The following AUTS2 variants were observed in gnomAD, a reference collection of about 807,000 sequenced individuals.
AUTS2 encodes activator of transcription and developmental regulator AUTS2.
Under a neutral mutation model 112.4 loss-of-function variants are expected in AUTS2, and 17 were observed. The ratio of observed to expected loss-of-function variants is 0.15; its 90% CI spans 0.10 to 0.23. The LOEUF (loss-of-function observed/expected upper bound fraction) is 0.23. Among genes scored for constraint, AUTS2 ranks in the 10% least tolerant of loss-of-function variants. The probability of loss-of-function intolerance (pLI) is 1.00; values close to 1 mark genes in which losing one functional copy is unlikely to be tolerated. For synonymous variants in AUTS2, 751 were observed against 702.7 expected (o/e 1.07, Z -1.09); for missense variants, 1,510 against 1,701.6 (o/e 0.89, Z 1.98).
At chr7:70,629,028 G>A (rs1236832235) in intron 5 of AUTS2, among the ~76,000 whole-genome samples, 1 of 152,186 alleles carries the variant, frequency 6.6e-6, no homozygotes, top group Non-Finnish European at 1.5e-5. Context: ...TCTGGTGGCA[G>A]GTTCATATCC....
intron 1 of AUTS2, among the ~76,000 whole-genome samples, chr7:69,615,452 A>G (rs2851509): frequency 0.75 from 113,461 of 151,862 alleles, 42,536 homozygotes; most frequent in African/African-American, 0.82. Flanking sequence ...ACAGGTGCCC[A>G]CCACCACACC....
intron 5 of AUTS2, among the ~76,000 whole-genome samples, chr7:70,686,991 T>C (rs1431140852): frequency 6.6e-6 from 1 of 152,212 alleles, no homozygotes; most frequent in Non-Finnish European, 1.5e-5. Flanking sequence ...TCTACGCCGA[T>C]CCGTCCTTTC....
intron 5 of AUTS2, among the ~76,000 whole-genome samples, chr7:70,595,376 C>T (rs1803145627): frequency 6.6e-6 from 1 of 152,100 alleles, no homozygotes; most frequent in Non-Finnish European, 1.5e-5. Flanking sequence ...AGTTTCTGAA[C>T]TATGTTGGCA....
intron 1 of AUTS2, among the ~76,000 whole-genome samples, chr7:69,631,268 G>C (rs1794228362): frequency 6.6e-6 from 1 of 152,038 alleles, no homozygotes; most frequent in African/African-American, 2.4e-5. Flanking sequence ...TTGCACAGCT[G>C]TTCTGGAAAA....
intron 5 of AUTS2, among the ~76,000 whole-genome samples, chr7:70,493,279 T>C (rs891917071): frequency 6.6e-6 from 1 of 152,220 alleles, no homozygotes; most frequent in African/African-American, 2.4e-5. Flanking sequence ...TACATGGTTG[T>C]CTTATCTGTC....
chr7:69,866,488 A>C (rs1457635964), intron 1 of AUTS2, among the ~76,000 whole-genome samples: 1 of 152,196 alleles, frequency 6.6e-6, no homozygotes, highest in Non-Finnish European at 1.5e-5. Context: ...GGCACCTGTC[A>C]CATACTGTAG....
At chr7:70,583,301 G>A (rs541753032) in intron 5 of AUTS2, among the ~76,000 whole-genome samples, 10 of 152,240 alleles carry the variant, frequency 6.6e-5, no homozygotes, top group Admixed American at 2.6e-4. Context: ...ATTGATAATC[G>A]CATGGCAGCA....
intron 2 of AUTS2, among the ~76,000 whole-genome samples, chr7:70,055,529 C>T (rs1414110855): frequency 6.6e-6 from 1 of 152,186 alleles, no homozygotes; most frequent in Non-Finnish European, 1.5e-5. Context: ...GATACTGTTA[C>T]ACTCTGTTGT....
intron 5 of AUTS2, among the ~76,000 whole-genome samples, chr7:70,476,049 A>G (rs1220232778): frequency 2.0e-5 from 3 of 152,166 alleles, no homozygotes; most frequent in Non-Finnish European, 4.4e-5. Flanking sequence ...AAAAAGATAA[A>G]AAAAGCAACC....
chr7:70,791,094 G>T lies in AUTS2; in HGVS notation c.*98G>T. On this transcript the variant is annotated 3_prime_UTR_variant, in exon 19 of 19. Transcript: ENST00000342771. The stretch of plus-strand genomic sequence containing the variant: ...TCCTGCATGGCTCACACAGACTGGG[G>T]GGGAAAGCCCCACCCCTTCCCCTTG... The T allele has an allele frequency of 7.9e-7, 1 of 1,261,938 alleles. No homozygotes were observed. Among genetic ancestry groups the T allele is most frequent in the Non-Finnish European group, 1.0e-6 (1 of 980,166 alleles). The allele number at this position is 1,261,938 out of a possible 1,614,324, so 78.2% of individuals were successfully genotyped here.
At chr7:69,798,332 C>T (rs1025364195) in intron 1 of AUTS2, among the ~76,000 whole-genome samples, 1 of 152,120 alleles carries the variant, frequency 6.6e-6, no homozygotes, top group Admixed American at 6.5e-5. Flanking sequence ...TGGGACATGA[C>T]TGGGGCTCTC....
intron 4 of AUTS2, among the ~76,000 whole-genome samples, chr7:70,419,388 T>G (rs1349300943): frequency 6.8e-6 from 1 of 147,030 alleles, no homozygotes; most frequent in Non-Finnish European, 1.5e-5. Context: ...TCTTTAAGAC[T>G]CCTTCTTTCA....
chr7:70,731,976 T>G (rs1236786394), intron 6 of AUTS2, among the ~76,000 whole-genome samples: 1 of 152,218 alleles, frequency 6.6e-6, no homozygotes, highest in African/African-American at 2.4e-5. Context: ...ACTGATGTGA[T>G]GCCTTTATCT....
intron 4 of AUTS2, among the ~76,000 whole-genome samples, chr7:70,393,394 T>C (rs1036293103): frequency 4.6e-5 from 7 of 152,214 alleles, no homozygotes; most frequent in Non-Finnish European, 1.0e-4. Flanking sequence ...TTTTGAGTCC[T>C]GCCCTTCCTG....
At chr7:70,753,396 G>A (rs1248214370) in intron 6 of AUTS2, among the ~76,000 whole-genome samples, 2 of 152,168 alleles carry the variant, frequency 1.3e-5, no homozygotes, top group Non-Finnish European at 2.9e-5. Context: ...GCACAAAATA[G>A]AATCTCTTCG....
At chr7:70,669,169 G>A (rs1382047611) in intron 5 of AUTS2, among the ~76,000 whole-genome samples, 1 of 152,158 alleles carries the variant, frequency 6.6e-6, no homozygotes, top group African/African-American at 2.4e-5. Context: ...AGTGAGGCTC[G>A]CTGTCTCTGA....
intron 5 of AUTS2, among the ~76,000 whole-genome samples, chr7:70,496,512 G>T (rs1166380067): frequency 1.1e-5 from 1 of 88,092 alleles, no homozygotes; most frequent in Non-Finnish European, 2.1e-5. Context: ...CATCAGCGTC[G>T]ATCACACACC....
chr7:70,790,718 C>T lies in AUTS2; in HGVS notation c.3502C>T (p.His1168Tyr), dbSNP rs1295985025. ...LREDYEHTRL[H>Y]SVHPASLDGH... The stretch of plus-strand genomic sequence containing the variant: ...AGAAGACTACGAGCACACGCGGCTC[C>T]ACTCCGTGCACCCCGCCTCCCTCGA... Residue 1168 changes from histidine (H) to tyrosine (Y), a missense_variant, in exon 19 of 19, where the codon CAC (histidine) becomes TAC (tyrosine). This residue lies in a region of AUTS2 where 788 missense variants were observed against 797.6 expected (regional missense o/e 0.99). Transcript: ENST00000342771. The surrounding 1 kb of genome is among the most constrained non-coding windows in gnomAD (Gnocchi z 7.6). 5 of 1,613,532 alleles carry T rather than the reference C, an allele frequency of 3.1e-6. No individual in the cohort carries two copies. The highest frequency in any genetic ancestry group is 1.3e-5 in the African/African-American group (1 of 74,924).
At chr7:70,590,279 G>A (rs1414203155) in intron 5 of AUTS2, among the ~76,000 whole-genome samples, 3 of 152,156 alleles carry the variant, frequency 2.0e-5, no homozygotes, top group Non-Finnish European at 4.4e-5. Context: ...AGGAGAGAAT[G>A]TTGCTCTCAA....
Sources: allele counts gnomAD v4.1 joint callset (sites outside exome capture counted in the v4.1 genomes callset), GRCh38; gene constraint gnomAD v4.1.1; regional missense constraint gnomAD v4.1.1; non-coding constraint Gnocchi (gnomAD v3.1); transcripts MANE v1.5; gene names NCBI Gene and HGNC (gene_info 2026-07-23, HGNC 2026-07-21).